Variants in NXPH2 observed in about 807,000 individuals in gnomAD.
The protein encoded by NXPH2 is neurexophilin-2.
A neutral mutation model predicts 19.8 loss-of-function variants in NXPH2; 5 were observed. That is an observed-to-expected ratio of 0.25 (90% confidence interval 0.13 to 0.53). NXPH2 has a LOEUF of 0.53. NXPH2 is among the 20% of genes least tolerant of loss of function. The pLI is 0.96. For synonymous variants in NXPH2, 154 were observed against 127.4 expected (o/e 1.21, Z -1.41); for missense variants, 289 against 322.8 (o/e 0.90, Z 0.80).
intron 1 of NXPH2, among the ~76,000 whole-genome samples, chr2:138,770,832 A>G (rs745879116): frequency 1.1e-4 from 17 of 152,142 alleles, no homozygotes; most frequent in Admixed American, 6.5e-4. Context: ...ACTGAAACAC[A>G]GGAAATTACT....
chr2:138,754,660 A>C (rs1342840517), intron 1 of NXPH2, among the ~76,000 whole-genome samples: 1 of 152,138 alleles, frequency 6.6e-6, no homozygotes, highest in Non-Finnish European at 1.5e-5. Flanking sequence ...TTGCATGCAG[A>C]CATTTTTTGT....
chr2:138,742,264 G>T (rs902433768), intron 1 of NXPH2, among the ~76,000 whole-genome samples: 13 of 152,128 alleles, frequency 8.5e-5, no homozygotes, highest in African/African-American at 2.7e-4. Flanking sequence ...TGTCATGAGG[G>T]GCTGGAGCTG....
At position 138,741,783 on chromosome 2, in the gene NXPH2, T is replaced by C. The variant is rs536580104; in HGVS notation, c.51+38408A>G. Among the ~76,000 whole-genome samples the C allele has an allele frequency of 3.9e-5, 6 of 152,266 alleles. No individual in the cohort carries two copies. The East Asian group carries it at 9.7e-4, about 25-fold the overall frequency. ...TTGAAATAACTAGATATTACCTACA[T>C]TTGCTTCTATTTCCTTCCTGCCCTT... is the stretch of plus-strand genomic sequence containing the variant. On this transcript the variant is annotated intron_variant, in intron 1 of 1. Coordinates refer to ENST00000272641, the MANE Select transcript of NXPH2 (RefSeq NM_007226.3).
At chr2:138,769,158 A>T (rs1682135951) in intron 1 of NXPH2, among the ~76,000 whole-genome samples, 1 of 152,218 alleles carries the variant, frequency 6.6e-6, no homozygotes, top group East Asian at 1.9e-4. Context: ...AAGAAAGATG[A>T]TTCTGTGATA....
rs531938224 is a variant in NXPH2 at position 138,750,875 on chromosome 2, C to T, written c.51+29316G>A. Among the ~76,000 whole-genome samples, 63 of 152,108 alleles carry T rather than the reference C, an allele frequency of 4.1e-4. 1 individual carries two copies. The South Asian group carries it at 0.013, about 32-fold the overall frequency. On this transcript the variant is annotated intron_variant, in intron 1 of 1. Coordinates refer to ENST00000272641, the MANE Select transcript of NXPH2 (RefSeq NM_007226.3). ...GTAATCCTCAGTGTTGGAGGTGGGACCTGGTAGGAGGTGATTGGATCTTGT... is the reference window on the plus strand; with the variant it reads ...GTAATCCTCAGTGTTGGAGGTGGGATCTGGTAGGAGGTGATTGGATCTTGT...
chr2:138,750,020 C>T (rs369178275), intron 1 of NXPH2, among the ~76,000 whole-genome samples: 18 of 152,270 alleles, frequency 1.2e-4, no homozygotes, highest in African/African-American at 4.3e-4. Flanking sequence ...AGGCATTTCA[C>T]TGATTAGAAG....
rs1011073533 is a variant in NXPH2 at position 138,690,351 on chromosome 2, C to T, written c.52-18686G>A. 3.3e-5 allele frequency among the ~76,000 whole-genome samples: 5 copies of T among 152,278 alleles called. No individual in the cohort carries two copies. In the South Asian group the frequency reaches 1.0e-3, roughly 32 times the overall value. On this transcript the variant is annotated intron_variant, in intron 1 of 1. Coordinates refer to ENST00000272641, the MANE Select transcript of NXPH2 (RefSeq NM_007226.3). Reference sequence around the variant, plus strand: ...CAGAAATGCTCGTGTCCCATCTCACCCTTTCAACCTGCTTCACACGCAGCA... The same window carrying T: ...CAGAAATGCTCGTGTCCCATCTCACTCTTTCAACCTGCTTCACACGCAGCA...
chr2:138,769,169 T>C (rs1682136038), intron 1 of NXPH2, among the ~76,000 whole-genome samples: 1 of 152,182 alleles, frequency 6.6e-6, no homozygotes, highest in Non-Finnish European at 1.5e-5. Context: ...TTCTGTGATA[T>C]GTGGGATGAA....
In NXPH2 at chr2:138,698,773, G is replaced by A. The variant is rs148515621; in HGVS notation, c.52-27108C>T. Among the ~76,000 whole-genome samples, 925 of 152,278 alleles carry A rather than the reference G, an allele frequency of 6.1e-3. 6 individuals carry two copies. Among genetic ancestry groups the A allele is most frequent in the Non-Finnish European group, 8.4e-3 (571 of 68,014 alleles). On this transcript the variant is annotated intron_variant, in intron 1 of 1. Transcript: ENST00000272641. ...GGAGATGGAGGCAGGAGGATTGCCTGAGCCCAGGAATTAGAGGGGGCAGTA... is the reference window on the plus strand; with the variant it reads ...GGAGATGGAGGCAGGAGGATTGCCTAAGCCCAGGAATTAGAGGGGGCAGTA...
chr2:138,700,706 TGACCATCCGTCTGTTG>T (rs1680907632), intron 1 of NXPH2, among the ~76,000 whole-genome samples: 1 of 152,068 alleles, frequency 6.6e-6, no homozygotes, highest in South Asian at 2.1e-4. Flanking sequence ...CAGCACCTGC[TGACCATCCGTCTGTTG>T]GACTTCTTAA....
chr2:138,739,204 T>C (rs1452259896), intron 1 of NXPH2, among the ~76,000 whole-genome samples: 1 of 152,204 alleles, frequency 6.6e-6, no homozygotes, highest in Non-Finnish European at 1.5e-5. Flanking sequence ...GTAATGTGCT[T>C]TTCATTCAAC....
chr2:138,743,648 G>T (rs1573974577), intron 1 of NXPH2, among the ~76,000 whole-genome samples: 1 of 152,198 alleles, frequency 6.6e-6, no homozygotes, highest in East Asian at 1.9e-4. Context: ...CACAGAATAA[G>T]ACACTTTGAA....
intron 1 of NXPH2, among the ~76,000 whole-genome samples, chr2:138,700,569 AAG>A (rs1189985725): frequency 6.6e-6 from 1 of 152,156 alleles, no homozygotes; most frequent in Admixed American, 6.6e-5. Context: ...TTCTTGAATT[AAG>A]GCCTCCTGTC....
intron 1 of NXPH2, among the ~76,000 whole-genome samples, chr2:138,760,764 A>T (rs953683348): frequency 2.6e-5 from 4 of 152,228 alleles, no homozygotes; most frequent in African/African-American, 9.6e-5. Context: ...ATCCCAGATC[A>T]CTGCATACTA....
intron 1 of NXPH2, among the ~76,000 whole-genome samples, chr2:138,690,003 C>G (rs1048210547): frequency 6.6e-6 from 1 of 152,186 alleles, no homozygotes; most frequent in East Asian, 1.9e-4. Context: ...TCCAGAAACT[C>G]AGAGACAATC....
chr2:138,698,936 C>A (rs1326801270), intron 1 of NXPH2, among the ~76,000 whole-genome samples: 1 of 152,048 alleles, frequency 6.6e-6, no homozygotes, highest in Non-Finnish European at 1.5e-5. Flanking sequence ...TTTTGGGACT[C>A]AAAGTACTTT....
At chr2:138,722,568 A>G (rs1386797948) in intron 1 of NXPH2, among the ~76,000 whole-genome samples, 1 of 152,204 alleles carries the variant, frequency 6.6e-6, no homozygotes, top group African/African-American at 2.4e-5. Flanking sequence ...CTAAGACTGC[A>G]GTGTTGAGTG....
intron 1 of NXPH2, among the ~76,000 whole-genome samples, chr2:138,679,191 G>T (rs1680532407): frequency 1.3e-5 from 2 of 152,138 alleles, no homozygotes; most frequent in Admixed American, 1.3e-4. Flanking sequence ...TTGAGCTTCT[G>T]GGGTTCAACT....
At chr2:138,721,995 G>C (rs904471047) in intron 1 of NXPH2, among the ~76,000 whole-genome samples, 10 of 152,202 alleles carry the variant, frequency 6.6e-5, no homozygotes, top group Admixed American at 6.5e-4. Flanking sequence ...AAGAGCACAG[G>C]CTACAGACAG....
Sources: gnomAD v4.1 joint callset for allele counts (sites outside exome capture counted in the v4.1 genomes callset) on GRCh38, gnomAD v4.1.1 for gene constraint, MANE v1.5 for transcripts, NCBI Gene and HGNC (gene_info 2026-07-23, HGNC 2026-07-21) for gene names.